The following ZC3H12C variants were observed in gnomAD, a reference collection of about 807,000 sequenced individuals.
ZC3H12C encodes the protein zinc finger CCCH-type containing 12C.
ZC3H12C carries 20 observed loss-of-function variants against 76.3 expected under a neutral mutation model. The ratio of observed to expected loss-of-function variants is 0.26; its 90% CI spans 0.18 to 0.38. The LOEUF is 0.38. Among genes scored for constraint, ZC3H12C ranks in the 10% least tolerant of loss-of-function variants. ZC3H12C has a pLI of 1.00. For missense variants in ZC3H12C, 874 were observed against 1,086.5 expected, an observed-to-expected ratio of 0.80 and a Z score of 2.75; for synonymous variants, 352 against 399.6, an observed-to-expected ratio of 0.88 and a Z score of 1.42.
At chr11:110,117,766 CACAT>C (rs1431074871) in intron 1 of ZC3H12C, among the ~76,000 whole-genome samples, 9 of 132,896 alleles carry the variant, frequency 6.8e-5, no homozygotes, top group East Asian at 6.4e-4. Flanking sequence ...TATACACACA[CACAT>C]ATATATACAC....
intron 1 of ZC3H12C, chr11:110,135,712 C>T (rs932559318): frequency 6.6e-5 from 10 of 151,508 alleles, no homozygotes; most frequent in African/African-American, 2.2e-4. Flanking sequence ...ACTTTTTAAC[C>T]AAATGCAGAT....
chr11:110,103,603 G>GTT lies in ZC3H12C; in HGVS notation c.21+10179_21+10180dup, dbSNP rs35653860. On this transcript the variant is annotated intron_variant, in intron 1 of 5. Coordinates refer to ENST00000278590, the MANE Select transcript of ZC3H12C (RefSeq NM_033390.2). ...TAAGTAGCTTGGCCCAAGTTATTGA[G>GTT]TTTTTTTTTGTTTTTTTTTTGAGAC... 1.9e-4 allele frequency among the ~76,000 whole-genome samples: 29 copies of GTT among 150,418 alleles called. No homozygotes were observed. The East Asian group carries it at 2.2e-3, about 11-fold the overall frequency.
chr11:110,116,447 C>T (rs1861527349), intron 1 of ZC3H12C, among the ~76,000 whole-genome samples: 2 of 152,058 alleles, frequency 1.3e-5, no homozygotes, highest in Non-Finnish European at 2.9e-5. Flanking sequence ...GGAATAGAGT[C>T]GGGCATTTTA....
intron 2 of ZC3H12C, among the ~76,000 whole-genome samples, chr11:110,145,935 A>G (rs1454298237): frequency 6.6e-6 from 1 of 152,232 alleles, no homozygotes; most frequent in Non-Finnish European, 1.5e-5. Flanking sequence ...CTCAGACGAA[A>G]AAGAAAAGGT....
chr11:110,139,293 C>A (rs2134179349), intron 2 of ZC3H12C, among the ~76,000 whole-genome samples: 1 of 152,256 alleles, frequency 6.6e-6, no homozygotes, highest in East Asian at 1.9e-4. Context: ...AGCCTATATT[C>A]TTCATTACAT....
At chr11:110,103,888 C>A (rs1412849983) in intron 1 of ZC3H12C, among the ~76,000 whole-genome samples, 1 of 152,138 alleles carries the variant, frequency 6.6e-6, no homozygotes, top group African/African-American at 2.4e-5. Context: ...CAGGCGTGAG[C>A]CACCGCGCCT....
intron 2 of ZC3H12C, among the ~76,000 whole-genome samples, chr11:110,145,986 T>G (rs1862160217): frequency 6.6e-6 from 1 of 152,094 alleles, no homozygotes; most frequent in African/African-American, 2.4e-5. Context: ...TTGGTTTAGT[T>G]TAGTTTTGTT....
At chr11:110,158,050 C>T (rs187105365) in intron 3 of ZC3H12C, among the ~76,000 whole-genome samples, 2 of 152,188 alleles carry the variant, frequency 1.3e-5, no homozygotes, top group Admixed American at 6.5e-5. Flanking sequence ...GTTTGTGCCC[C>T]GCACTCTGTG....
intron 4 of ZC3H12C, 27 bp downstream of exon 4, chr11:110,159,517 G>A (rs756641293): frequency 6.6e-7 from 1 of 1,517,570 alleles, no homozygotes; most frequent in Non-Finnish European, 9.0e-7. Flanking sequence ...ACTTGCCAAT[G>A]ATACTGCTTC....
chr11:110,159,269 A>C lies in ZC3H12C; in HGVS notation c.927A>C (p.Leu309Phe). The C allele has an allele frequency of 6.2e-7, 1 of 1,609,492 alleles. No individual in the cohort carries two copies. Among genetic ancestry groups the C allele is most frequent in the Non-Finnish European group, 8.5e-7 (1 of 1,177,622 alleles). Residue 309 changes from leucine (L) to phenylalanine (F), a missense_variant, in exon 4 of 6, where the codon TTA becomes TTC. Coordinates refer to ENST00000278590, the MANE Select transcript of ZC3H12C (RefSeq NM_033390.2). The stretch of plus-strand genomic sequence containing the variant: ...TTATTCTTGCAGATCAGGAAATTTT[A>C]CGTAAATTAGAGAAGGAGAAAATCC... ...PDALITDQEILRKLEKEKILV... is the reference protein window; with the variant it reads ...PDALITDQEIFRKLEKEKILV...
At chr11:110,120,549 C>T (rs1390323023) in intron 1 of ZC3H12C, among the ~76,000 whole-genome samples, 1 of 152,206 alleles carries the variant, frequency 6.6e-6, no homozygotes. Flanking sequence ...AACACTAAGG[C>T]AGAGCTTCTC....
At position 110,117,741 on chromosome 11, in the gene ZC3H12C, CAT is replaced by C. The variant is rs1178923756; in HGVS notation, c.22-18913_22-18912del. Reference sequence around the variant, plus strand: ...ACACACACATATATATATACACACACATATATATATTATATATACACACACAC... The same window carrying C: ...ACACACACATATATATATACACACACATATATATTATATATACACACACAC... On this transcript the variant is annotated intron_variant, in intron 1 of 5. Coordinates refer to ENST00000278590, the MANE Select transcript of ZC3H12C (RefSeq NM_033390.2). Among the ~76,000 whole-genome samples, 26 of 91,836 alleles carry C rather than the reference CAT, an allele frequency of 2.8e-4. 1 individual carries two copies. The highest frequency in any genetic ancestry group is 1.1e-3 in the East Asian group (2 of 1,882). 60.2% of individuals were successfully genotyped at this position (91,836 alleles called of 152,430 possible).
At chr11:110,163,452 T>C in intron 5 of ZC3H12C, 73 bp downstream of exon 5, 1 of 1,284,168 alleles carries the variant, frequency 7.8e-7, no homozygotes. Flanking sequence ...TTAACAAAAA[T>C]GAACACTTAA....
Position 110,153,076 on chromosome 11 carries a change from G to T in ZC3H12C, c.913+18G>T, listed in dbSNP as rs371728955. The T allele has an allele frequency of 2.5e-6, 4 of 1,606,294 alleles. No homozygotes were observed. Among genetic ancestry groups the T allele is most frequent in the Admixed American group, 3.4e-5 (2 of 58,626 alleles). On this transcript the variant is annotated intron_variant, in intron 3 of 5. Transcript: ENST00000278590. The stretch of plus-strand genomic sequence containing the variant: ...CATTACAGGTAGGCTTATTCCAGGC[G>T]GCTGCTTGTACCTAGCTTTCCTATA...
At position 110,113,041 on chromosome 11, in the gene ZC3H12C, C is replaced by T. The variant is rs565606051; in HGVS notation, c.21+19609C>T. ...TTAAAAAAAAGTCTTCTTTTGAAAC[C>T]GTTCCTATCCCTCCCTGCCATCCCC... On this transcript the variant is annotated intron_variant, in intron 1 of 5. Transcript: ENST00000278590. 5.3e-5 allele frequency among the ~76,000 whole-genome samples: 8 copies of T among 152,184 alleles called. No homozygotes were observed. In the South Asian group the frequency reaches 1.5e-3, roughly 28 times the overall value.
intron 1 of ZC3H12C, among the ~76,000 whole-genome samples, chr11:110,123,757 T>G (rs1861690940): frequency 6.6e-6 from 1 of 152,226 alleles, no homozygotes; most frequent in African/African-American, 2.4e-5. Context: ...CTTTTTATTC[T>G]TGAGTATTGT....
At position 110,145,195 on chromosome 11, in the gene ZC3H12C, G is replaced by A. The variant is rs930075837; in HGVS notation, c.774-7724G>A. Among the ~76,000 whole-genome samples the A allele has an allele frequency of 2.6e-5, 4 of 152,094 alleles. No individual in the cohort carries two copies. The East Asian group carries it at 7.7e-4, about 29-fold the overall frequency. On this transcript the variant is annotated intron_variant, in intron 2 of 5. Coordinates refer to ENST00000278590, the MANE Select transcript of ZC3H12C (RefSeq NM_033390.2). ...ATAATTCTCCGGTGGCAATTCATAT[G>A]GTGTAATAGGATACAAGAAATTATT...
intron 1 of ZC3H12C, among the ~76,000 whole-genome samples, chr11:110,117,202 C>T (rs1052816613): frequency 6.6e-6 from 1 of 152,112 alleles, no homozygotes; most frequent in African/African-American, 2.4e-5. Flanking sequence ...AAGTGACAAG[C>T]CATTCTTATG....
rs916874375 is a variant in ZC3H12C, at chr11:110,165,704, C to T, written c.2619C>T (p.Ala873=). 3.1e-6 allele frequency: 5 copies of T among 1,591,196 alleles called. No homozygotes were observed. The highest frequency in any genetic ancestry group is 4.3e-6 in the Non-Finnish European group (5 of 1,167,968). Residue 873 remains alanine (A), a synonymous_variant, in exon 6 of 6, where the codon GCC becomes GCT. Coordinates refer to ENST00000278590, the MANE Select transcript of ZC3H12C (RefSeq NM_033390.2). ...HMTDAQQLAA[A]ILVEKSQLGY is the part of the protein sequence containing the mutation. Reference sequence around the variant, plus strand: ...CAGACGCCCAGCAGCTCGCCGCAGCCATTTTAGTGGAGAAATCCCAGCTGG... The same window carrying T: ...CAGACGCCCAGCAGCTCGCCGCAGCTATTTTAGTGGAGAAATCCCAGCTGG...
Sources: gnomAD v4.1 joint callset for allele counts (sites outside exome capture counted in the v4.1 genomes callset) on GRCh38, gnomAD v4.1.1 for gene constraint, MANE v1.5 for transcripts, NCBI Gene and HGNC (gene_info 2026-07-23, HGNC 2026-07-21) for gene names.